TFPI: variants seen among roughly 807,000 people sequenced by gnomAD.
TFPI encodes the protein tissue factor pathway inhibitor.
A neutral mutation model predicts 34.6 loss-of-function variants in TFPI; 15 were observed. The ratio of observed to expected loss-of-function variants is 0.43; its 90% CI spans 0.29 to 0.67. The LOEUF is 0.67. TFPI is among the 30% of genes least tolerant of loss of function. TFPI has a pLI of 0.15. For synonymous variants in TFPI, 105 were observed against 120.1 expected, an observed-to-expected ratio of 0.87 and a Z score of 0.82; for missense variants, 301 against 364.0, an observed-to-expected ratio of 0.83 and a Z score of 1.41.
intron 4 of TFPI, among the ~76,000 whole-genome samples, chr2:187,485,760 A>G (rs547843923): frequency 2.0e-5 from 3 of 151,870 alleles, no homozygotes; most frequent in Non-Finnish European, 3.0e-5. Flanking sequence ...ACATGCATGC[A>G]CTGTGAAAAG....
chr2:187,532,255 A>G (rs1348834747), intron 1 of TFPI, among the ~76,000 whole-genome samples: 4 of 152,024 alleles, frequency 2.6e-5, no homozygotes, highest in African/African-American at 9.7e-5. Flanking sequence ...TTGTCATTGA[A>G]TGAGATAATA....
At chr2:187,505,384 A>C (rs1333971113) in intron 1 of TFPI, among the ~76,000 whole-genome samples, 2 of 152,086 alleles carry the variant, frequency 1.3e-5, no homozygotes, top group Non-Finnish European at 2.9e-5. Flanking sequence ...ACCAGCTCTG[A>C]CAAATTTGGA....
At chr2:187,477,016 AT>A (rs546378490) in intron 6 of TFPI, among the ~76,000 whole-genome samples, 1 of 151,918 alleles carries the variant, frequency 6.6e-6, no homozygotes, top group Non-Finnish European at 1.5e-5. Flanking sequence ...GAAGTCTGTG[AT>A]TTTTTTTCCT....
At chr2:187,502,199 T>C (rs1175079428) in intron 2 of TFPI, among the ~76,000 whole-genome samples, 1 of 152,206 alleles carries the variant, frequency 6.6e-6, no homozygotes, top group Non-Finnish European at 1.5e-5. Context: ...TACCTTATAG[T>C]AATTTTAAAT....
intron 1 of TFPI, among the ~76,000 whole-genome samples, chr2:187,507,912 T>C (rs951385347): frequency 6.6e-6 from 1 of 152,242 alleles, no homozygotes; most frequent in African/African-American, 2.4e-5. Flanking sequence ...TGGTATTGCC[T>C]GGGTTTTCTT....
intron 1 of TFPI, among the ~76,000 whole-genome samples, chr2:187,526,450 G>A (rs965856922): frequency 1.3e-5 from 2 of 152,038 alleles, no homozygotes; most frequent in African/African-American, 4.8e-5. Flanking sequence ...TGACAAAAAT[G>A]AAATTTATGG....
chr2:187,523,294 A>G (rs908569555), intron 1 of TFPI, among the ~76,000 whole-genome samples: 1 of 152,144 alleles, frequency 6.6e-6, no homozygotes, highest in Non-Finnish European at 1.5e-5. Context: ...AACTATCACT[A>G]TCCACCAACT....
At chr2:187,501,467 C>T (rs1457346165) in intron 2 of TFPI, among the ~76,000 whole-genome samples, 1 of 152,032 alleles carries the variant, frequency 6.6e-6, no homozygotes, top group East Asian at 1.9e-4. Flanking sequence ...CTGCTAGACT[C>T]TAATTAAAGG....
chr2:187,471,173 A>G (rs1692011222), intron 6 of TFPI, among the ~76,000 whole-genome samples: 1 of 152,222 alleles, frequency 6.6e-6, no homozygotes, highest in African/African-American at 2.4e-5. Context: ...TCTTCAGAAC[A>G]TAAATTTTAC....
chr2:187,541,152 C>T (rs886709152), intron 1 of TFPI, among the ~76,000 whole-genome samples: 1 of 152,078 alleles, frequency 6.6e-6, no homozygotes, highest in East Asian at 1.9e-4. Flanking sequence ...GTTATCCTAA[C>T]ATGTATACTT....
At chr2:187,550,197 A>C (rs1574547330) in intron 1 of TFPI, among the ~76,000 whole-genome samples, 3 of 152,252 alleles carry the variant, frequency 2.0e-5, no homozygotes, top group Admixed American at 2.0e-4. Flanking sequence ...GCTTCAGCTC[A>C]ATATTGATCT....
At chr2:187,504,999 G>C (rs1686106564) in intron 1 of TFPI, among the ~76,000 whole-genome samples, 2 of 151,920 alleles carry the variant, frequency 1.3e-5, no homozygotes, top group African/African-American at 4.8e-5. Context: ...AGTCAGTAGA[G>C]ATCTCATATA....
intron 1 of TFPI, among the ~76,000 whole-genome samples, chr2:187,542,079 A>G (rs1229934170): frequency 6.6e-6 from 1 of 152,180 alleles, no homozygotes; most frequent in East Asian, 1.9e-4. Flanking sequence ...TTAGGATGCT[A>G]TTTTATAAAT....
intron 1 of TFPI, chr2:187,514,496 T>A (rs913293387): frequency 2.6e-5 from 4 of 152,230 alleles, no homozygotes; most frequent in African/African-American, 9.6e-5. Context: ...AACACTAGGT[T>A]CACTTCGTGT....
In TFPI at chr2:187,520,746, G is replaced by C. The variant is rs140459670; in HGVS notation, c.-2-16976C>G. 7.2e-5 allele frequency: 11 copies of C among 152,040 alleles called. No homozygotes were observed. In the East Asian group the frequency reaches 1.9e-3, roughly 27 times the overall value. The allele number at this position is 152,040 out of a possible 1,614,324, so 9.4% of individuals were successfully genotyped here. A position where few individuals can be genotyped will look rare whatever the true frequency, so the allele number is the denominator to read the frequency against. The stretch of plus-strand genomic sequence containing the variant: ...TTTTGCACCAGATATTTGTCTCTCT[G>C]TATTAAATTATTTAATCCTTTATTT... On this transcript the variant is annotated intron_variant, in intron 1 of 7. Transcript: ENST00000233156.
intron 1 of TFPI, among the ~76,000 whole-genome samples, chr2:187,531,587 T>C (rs1412181968): frequency 6.6e-6 from 1 of 152,142 alleles, no homozygotes; most frequent in Non-Finnish European, 1.5e-5. Flanking sequence ...TGATATGATT[T>C]ATATGATCAT....
chr2:187,544,583 G>A (rs1334016630), intron 1 of TFPI: 1 of 150,708 alleles, frequency 6.6e-6, no homozygotes, highest in African/African-American at 2.4e-5. Flanking sequence ...GAAGGTTTCA[G>A]TGAGCTGAGA....
chr2:187,510,307 A>G (rs1162317057), intron 1 of TFPI, among the ~76,000 whole-genome samples: 1 of 152,128 alleles, frequency 6.6e-6, no homozygotes, highest in Admixed American at 6.5e-5. Context: ...TTGTCCTACC[A>G]CTGTAACCCA....
intron 3 of TFPI, 48 bp downstream of exon 3, chr2:187,496,833 T>C (rs1164241632): frequency 6.6e-7 from 1 of 1,504,214 alleles, no homozygotes; most frequent in Non-Finnish European, 9.1e-7. Flanking sequence ...ATAATTAGAC[T>C]CAATAGCCCT....
Sources: allele counts gnomAD v4.1 joint callset (sites outside exome capture counted in the v4.1 genomes callset), GRCh38; gene constraint gnomAD v4.1.1; transcripts MANE v1.5; gene names NCBI Gene and HGNC (gene_info 2026-07-23, HGNC 2026-07-21).